The following SLC28A3 variants were observed in gnomAD, a reference collection of about 807,000 sequenced individuals.
The protein encoded by SLC28A3 is concentrative Na(+)-nucleoside cotransporter 3.
In SLC28A3, 68 loss-of-function variants were observed where a neutral mutation model predicts 84.2. That is an observed-to-expected ratio of 0.81 (90% CI 0.66 to 0.99). The LOEUF (loss-of-function observed/expected upper bound fraction) is 0.99, where lower values mean the gene tolerates loss of function less well. SLC28A3 is among the 50% of genes least tolerant of loss of function. The probability of loss-of-function intolerance (pLI) is 0.00; values close to 1 mark genes in which losing one functional copy is unlikely to be tolerated. For missense variants in SLC28A3, 712 were observed against 841.5 expected (o/e 0.85, Z 1.90); for synonymous variants, 267 against 303.6 (o/e 0.88, Z 1.25).
At position 84,325,106 on chromosome 9, in the gene SLC28A3, T is replaced by A. The variant is rs1826507838; in HGVS notation, c.61-11652A>T. ...ACCAAGATTTTGCAATCAATGAGGA[T>A]CCCTGAGGTAAATCAAGAGAACTGG... On this transcript the variant is annotated intron_variant, in intron 1 of 17. Transcript: ENST00000376238. Among the ~76,000 whole-genome samples the A allele has an allele frequency of 2.0e-5, 3 of 152,282 alleles. No individual in the cohort carries two copies. In the South Asian group the frequency reaches 6.2e-4, roughly 32 times the overall value.
chr9:84,355,796 C>T, the SLC28A3 span, among the ~76,000 whole-genome samples: 103 of 151,112 alleles, frequency 6.8e-4, no homozygotes, highest in African/African-American at 2.3e-3. Flanking sequence ...TGTAAGTGCC[C>T]TATTCTTCCT....
At position 84,279,378 on chromosome 9, in the gene SLC28A3, G is replaced by C; in HGVS notation, c.1836C>G (p.Leu612=). The change falls in exon 17 of 18, where the codon CTC becomes CTG. Residue 612 remains leucine, a synonymous_variant. Transcript: ENST00000376238. ...AGTTGATGTCCACAGGAGTGCTGGA[G>C]AGTATGCCTAGAAGTGGAACAGAGT... ...CFMTACIAGI[L]SSTPVDINCH... The C allele has an allele frequency of 1.3e-6, 2 of 1,584,998 alleles. No individual in the cohort carries two copies. The highest frequency in any genetic ancestry group is 1.2e-5 in the South Asian group (1 of 84,688).
intron 5 of SLC28A3, among the ~76,000 whole-genome samples, chr9:84,301,014 G>C (rs368044902): frequency 6.6e-6 from 1 of 151,900 alleles, no homozygotes; most frequent in Non-Finnish European, 1.5e-5. Context: ...CATATACCCC[G>C]TAAATATATA....
At chr9:84,313,942 C>G (rs764340067) in intron 1 of SLC28A3, among the ~76,000 whole-genome samples, 4 of 150,528 alleles carry the variant, frequency 2.7e-5, no homozygotes, top group Non-Finnish European at 3.0e-5. Context: ...TGTTCTGATA[C>G]AAAAGTGGTC....
rs1250614425 is a variant in SLC28A3 at position 84,294,820 on chromosome 9, C to A, written c.862-545G>T. ...GTGTTTGGAGTTCCAAACTAAGGAACCTGGGAGCGGCCATTCCAAAGATTC... is the reference window on the plus strand; with the variant it reads ...GTGTTTGGAGTTCCAAACTAAGGAAACTGGGAGCGGCCATTCCAAAGATTC... On this transcript the variant is annotated intron_variant, in intron 8 of 17. Coordinates refer to ENST00000376238, the MANE Select transcript of SLC28A3 (RefSeq NM_001199633.2). 3.3e-5 allele frequency among the ~76,000 whole-genome samples: 5 copies of A among 152,144 alleles called. No homozygotes were observed. In the South Asian group the frequency reaches 6.2e-4, roughly 19 times the overall value.
At chr9:84,298,415 AGGCAAGGATT>A (rs1189182019) in intron 6 of SLC28A3, among the ~76,000 whole-genome samples, 1 of 152,192 alleles carries the variant, frequency 6.6e-6, no homozygotes, top group African/African-American at 2.4e-5. Context: ...TGAACACAGG[AGGCAAGGATT>A]GCAGTGAGCT....
intron 1 of SLC28A3, among the ~76,000 whole-genome samples, chr9:84,337,550 C>T (rs1827023867): frequency 6.6e-6 from 1 of 151,984 alleles, no homozygotes; most frequent in Non-Finnish European, 1.5e-5. Flanking sequence ...GAACATCTTG[C>T]ACAAAATCAA....
intron 1 of SLC28A3, among the ~76,000 whole-genome samples, chr9:84,323,604 T>C (rs545609598): frequency 9.9e-5 from 15 of 152,184 alleles, no homozygotes; most frequent in Non-Finnish European, 2.1e-4. Flanking sequence ...TTTGTATTTT[T>C]AGTAAAGACG....
At chr9:84,285,919 G>A (rs1824964780) in intron 13 of SLC28A3, 24 bp downstream of exon 13, 1 of 1,601,912 alleles carries the variant, frequency 6.2e-7, no homozygotes, top group Non-Finnish European at 8.5e-7. Context: ...CAAAACAGAG[G>A]GCAGGGGCGT....
chr9:84,313,326 G>A (rs758966874), intron 2 of SLC28A3, 33 bp downstream of exon 2: 2 of 1,597,612 alleles, frequency 1.3e-6, no homozygotes, highest in Admixed American at 3.4e-5. Flanking sequence ...GGCTGCCATG[G>A]TACTAGAGTC....
At chr9:84,349,462 C>A in the SLC28A3 span, among the ~76,000 whole-genome samples, 1 of 152,224 alleles carries the variant, frequency 6.6e-6, no homozygotes, top group African/African-American at 2.4e-5. Flanking sequence ...GTCTTGAACT[C>A]CTGACTTCAA....
intron 1 of SLC28A3, among the ~76,000 whole-genome samples, chr9:84,320,616 A>G (rs1023811562): frequency 6.6e-6 from 1 of 152,088 alleles, no homozygotes; most frequent in Admixed American, 6.6e-5. Context: ...ACAAATATTT[A>G]TTGCACACCT....
intron 1 of SLC28A3, among the ~76,000 whole-genome samples, chr9:84,333,022 G>A (rs1300813369): frequency 1.3e-5 from 2 of 152,160 alleles, no homozygotes; most frequent in African/African-American, 2.4e-5. Context: ...CCAAAGTTAA[G>A]GAACTGCCTG....
At chr9:84,310,615 A>G in intron 2 of SLC28A3, 1 of 983,218 alleles carries the variant, frequency 1.0e-6, no homozygotes, top group Non-Finnish European at 1.2e-6. Flanking sequence ...GAAATAAATC[A>G]TTAGTGTGTG....
intron 12 of SLC28A3, among the ~76,000 whole-genome samples, chr9:84,287,584 G>A (rs189585150): frequency 6.6e-6 from 1 of 152,240 alleles, no homozygotes; most frequent in East Asian, 1.9e-4. Flanking sequence ...TTTATGTCAA[G>A]TATTAAACAA....
At chr9:84,301,370 A>G (rs894515076) in intron 5 of SLC28A3, among the ~76,000 whole-genome samples, 365 of 111,506 alleles carry the variant, frequency 3.3e-3, no homozygotes, top group Non-Finnish European at 4.3e-3. Flanking sequence ...AAAAAAAAAA[A>G]AAAAGAAAAG....
At position 84,285,379 on chromosome 9, in the gene SLC28A3, G is replaced by T; in HGVS notation, c.1613C>A (p.Pro538His). 1 of 1,613,894 alleles carries T rather than the reference G, an allele frequency of 6.2e-7. No homozygotes were observed. The highest frequency in any genetic ancestry group is 8.5e-7 in the Non-Finnish European group (1 of 1,179,904). The change falls in exon 14 of 18, where the codon CCC becomes CAC. Residue 538 changes from proline to histidine, a missense_variant. Coordinates refer to ENST00000376238, the MANE Select transcript of SLC28A3 (RefSeq NM_001199633.2). ...TTGCTGCACACCGTTTACAAATTTGGGTCCACCTTCTTTCCTCAAGTGGAT... is the reference window on the plus strand; with the variant it reads ...TTGCTGCACACCGTTTACAAATTTGTGTCCACCTTCTTTCCTCAAGTGGAT... The part of the protein sequence containing the change: ...KWIHLRKEGG[P>H]KFVNGVQQYI...
intron 17 of SLC28A3, 136 bp downstream of exon 17, chr9:84,279,129 C>T (rs531121260): frequency 7.4e-4 from 539 of 724,232 alleles, no homozygotes; most frequent in Non-Finnish European, 9.8e-4. Context: ...GCGGAGATTG[C>T]GCCACTGCAC....
chr9:84,363,856 A>T, the SLC28A3 span, among the ~76,000 whole-genome samples: 1 of 152,040 alleles, frequency 6.6e-6, no homozygotes, highest in African/African-American at 2.4e-5. Context: ...TCTCAAAGCG[A>T]TGGGATTACA....
Sources: allele counts gnomAD v4.1 joint callset (sites outside exome capture counted in the v4.1 genomes callset), GRCh38; gene constraint gnomAD v4.1.1; transcripts MANE v1.5; gene names NCBI Gene and HGNC (gene_info 2026-07-23, HGNC 2026-07-21).